The following PPFIBP1 variants were observed in gnomAD, a reference collection of about 807,000 sequenced individuals.
The protein encoded by PPFIBP1 is PPFIB scaffold protein 1, also known as liprin-beta-1.
In PPFIBP1, 112 loss-of-function variants were observed where a neutral mutation model predicts 137.8. The observed-to-expected ratio is 0.81, with a 90% CI of 0.70 to 0.95. The LOEUF (loss-of-function observed/expected upper bound fraction) is 0.95. PPFIBP1 is among the 40% of genes least tolerant of loss of function. The pLI, the probability that PPFIBP1 is intolerant of heterozygous loss-of-function variation, is 0.00. For missense variants in PPFIBP1, 1,083 were observed against 1,196.6 expected (o/e 0.91, Z 1.40); for synonymous variants, 378 against 417.3 (o/e 0.91, Z 1.15).
At chr12:27,551,700 C>T (rs2136209007) in intron 1 of PPFIBP1, among the ~76,000 whole-genome samples, 1 of 152,288 alleles carries the variant, frequency 6.6e-6, no homozygotes, top group African/African-American at 2.4e-5. Context: ...GTCTCTGTAA[C>T]AACTCAATCA....
chr12:27,689,887 T>C (rs2061424853), intron 27 of PPFIBP1, among the ~76,000 whole-genome samples: 1 of 152,162 alleles, frequency 6.6e-6, no homozygotes, highest in South Asian at 2.1e-4. Flanking sequence ...TTTACCTTCT[T>C]CCCCTCTTTA....
chr12:27,592,395 G>T (rs1400223708), intron 2 of PPFIBP1: 2 of 612,854 alleles, frequency 3.3e-6, no homozygotes, highest in Non-Finnish European at 5.6e-6. Flanking sequence ...AACTATTGGG[G>T]ATTATCAGTG....
At chr12:27,684,311 G>A (rs1324198600) in intron 24 of PPFIBP1, among the ~76,000 whole-genome samples, 2 of 150,814 alleles carry the variant, frequency 1.3e-5, no homozygotes, top group African/African-American at 4.9e-5. Context: ...GTTTCGCCAT[G>A]TTGGCCAGGC....
At chr12:27,555,083 C>G (rs1246036864) in intron 1 of PPFIBP1, among the ~76,000 whole-genome samples, 4 of 152,034 alleles carry the variant, frequency 2.6e-5, no homozygotes, top group African/African-American at 9.7e-5. Flanking sequence ...CAGGCCCTTC[C>G]AGTAAGCAAA....
chr12:27,620,169 A>T (rs563554097), intron 2 of PPFIBP1, among the ~76,000 whole-genome samples: 1 of 152,160 alleles, frequency 6.6e-6, no homozygotes, highest in Non-Finnish European at 1.5e-5. Context: ...CTTAGGAAGG[A>T]TACTTCTTAA....
chr12:27,671,092 G>A (rs994788884), intron 13 of PPFIBP1, among the ~76,000 whole-genome samples: 12 of 151,706 alleles, frequency 7.9e-5, no homozygotes, highest in African/African-American at 2.7e-4. Flanking sequence ...TGCTTGAGCC[G>A]AGGAGTTCAA....
intron 7 of PPFIBP1, among the ~76,000 whole-genome samples, chr12:27,651,733 A>G (rs994328936): frequency 6.6e-6 from 1 of 152,200 alleles, no homozygotes; most frequent in Non-Finnish European, 1.5e-5. Flanking sequence ...TCAAGGGGAA[A>G]TATTCACCTG....
chr12:27,565,432 T>G (rs1427161504), intron 1 of PPFIBP1, among the ~76,000 whole-genome samples: 1 of 152,220 alleles, frequency 6.6e-6, no homozygotes, highest in African/African-American at 2.4e-5. Flanking sequence ...AAAACACATC[T>G]GGGAGCTAGT....
intron 12 of PPFIBP1, among the ~76,000 whole-genome samples, chr12:27,664,965 A>G (rs1339438840): frequency 6.6e-6 from 1 of 152,164 alleles, no homozygotes; most frequent in Non-Finnish European, 1.5e-5. Flanking sequence ...AGGTGGGTGG[A>G]TCACCCAAGG....
chr12:27,646,411 T>A, intron 5 of PPFIBP1: 1 of 193,302 alleles, frequency 5.2e-6, no homozygotes, highest in East Asian at 1.5e-4. Flanking sequence ...ATCTGTTCTT[T>A]TTTTTTTTTT....
At chr12:27,616,310 AT>A (rs11370764) in intron 2 of PPFIBP1, among the ~76,000 whole-genome samples, 43 of 143,536 alleles carry the variant, frequency 3.0e-4, no homozygotes, top group African/African-American at 3.3e-4. Context: ...TTGTTTGCAG[AT>A]TTTTTTTTTT....
intron 8 of PPFIBP1, chr12:27,655,032 C>T: frequency 9.5e-7 from 1 of 1,051,678 alleles, no homozygotes; most frequent in South Asian, 1.5e-5. Flanking sequence ...ATAACCTGCC[C>T]TTTCTCTGAG....
At chr12:27,664,310 A>G (rs913761585) in intron 11 of PPFIBP1, 52 bp from the exon 12 acceptor site, 2 of 1,172,024 alleles carry the variant, frequency 1.7e-6, no homozygotes, top group East Asian at 2.5e-5. Flanking sequence ...TGGAATTACT[A>G]TTACTCTTTT....
At chr12:27,576,926 T>G (rs375311545) in intron 1 of PPFIBP1, among the ~76,000 whole-genome samples, 33 of 152,326 alleles carry the variant, frequency 2.2e-4, no homozygotes, top group Middle Eastern at 3.4e-3. Flanking sequence ...CTTTGAAAAC[T>G]GCTCATTAAC....
At chr12:27,672,405 C>A (rs1312235240) in intron 14 of PPFIBP1, 22 bp from the exon 15 acceptor site, 1 of 1,584,570 alleles carries the variant, frequency 6.3e-7, no homozygotes, top group Admixed American at 1.7e-5. Context: ...TTAATAAATA[C>A]CTTTTGTTCT....
At chr12:27,594,084 A>G in intron 2 of PPFIBP1, 1 of 1,248,298 alleles carries the variant, frequency 8.0e-7, no homozygotes, top group Non-Finnish European at 1.0e-6. Context: ...AAGCTTCAAA[A>G]AAAGAAAAGA....
chr12:27,577,260 A>C (rs2050650950), intron 1 of PPFIBP1, among the ~76,000 whole-genome samples: 1 of 151,906 alleles, frequency 6.6e-6, no homozygotes. Flanking sequence ...ATATCCATTA[A>C]GTTGTTGCAA....
chr12:27,624,630 C>T (rs1309670990), intron 2 of PPFIBP1, among the ~76,000 whole-genome samples: 1 of 152,146 alleles, frequency 6.6e-6, no homozygotes, highest in Non-Finnish European at 1.5e-5. Flanking sequence ...TATTTTGTGG[C>T]GTTTCATTTT....
At chr12:27,588,427 TCTC>T (rs775399055) in intron 2 of PPFIBP1, among the ~76,000 whole-genome samples, 1 of 152,162 alleles carries the variant, frequency 6.6e-6, no homozygotes, top group Non-Finnish European at 1.5e-5. Flanking sequence ...GAAGAAAAAT[TCTC>T]CTTTCCATCC....
Sources: gnomAD v4.1 joint callset for allele counts (sites outside exome capture counted in the v4.1 genomes callset) on GRCh38, gnomAD v4.1.1 for gene constraint, MANE v1.5 for transcripts, NCBI Gene and HGNC (gene_info 2026-07-23, HGNC 2026-07-21) for gene names.